The following URI1 variants were observed in gnomAD, a reference collection of about 807,000 sequenced individuals.
URI1 encodes URI1 prefoldin like chaperone.
Under a neutral mutation model 60.2 loss-of-function variants are expected in URI1, and 39 were observed. The observed-to-expected ratio is 0.65, with a 90% CI of 0.50 to 0.85. The LOEUF (loss-of-function observed/expected upper bound fraction) is 0.85, where lower values mean the gene tolerates loss of function less well. Ranked by LOEUF, URI1 falls within the 40% of genes least tolerant of loss-of-function variation. The pLI, the probability that URI1 is intolerant of heterozygous loss-of-function variation, is 0.00. For synonymous variants in URI1, 251 were observed against 236.8 expected, an observed-to-expected ratio of 1.06 and a Z score of -0.55; for missense variants, 691 against 665.9, an observed-to-expected ratio of 1.04 and a Z score of -0.42.
chr19:29,936,799 C>A (rs1022811161), intron 1 of URI1, among the ~76,000 whole-genome samples: 1 of 152,150 alleles, frequency 6.6e-6, no homozygotes, highest in Non-Finnish European at 1.5e-5. Context: ...ATTGCCCAGG[C>A]TGGAGTGCAG....
At chr19:29,978,363 G>C (rs1232736469) in intron 2 of URI1, among the ~76,000 whole-genome samples, 1 of 152,162 alleles carries the variant, frequency 6.6e-6, no homozygotes, top group African/African-American at 2.4e-5. Context: ...CCCATGACCA[G>C]CTCAAGTCCA....
At chr19:29,929,500 G>A (rs528332656) in intron 1 of URI1, among the ~76,000 whole-genome samples, 1 of 152,224 alleles carries the variant, frequency 6.6e-6, no homozygotes, top group South Asian at 2.1e-4. Flanking sequence ...GGGAGGCTGA[G>A]GCAGGAGAAT....
chr19:29,971,359 T>A (rs982925800), intron 2 of URI1, 132 bp downstream of exon 2: 3 of 814,956 alleles, frequency 3.7e-6, no homozygotes, highest in Non-Finnish European at 6.0e-6. Flanking sequence ...GTAGTCTCCA[T>A]TTTGAATGCC....
chr19:29,984,541 T>C (rs906872017), intron 2 of URI1, among the ~76,000 whole-genome samples: 1 of 152,198 alleles, frequency 6.6e-6, no homozygotes, highest in Non-Finnish European at 1.5e-5. Context: ...CAGATAGTCT[T>C]GTATCTTAAA....
Position 29,942,363 on chromosome 19 carries a change from G to C in URI1, c.-185G>C. The stretch of plus-strand genomic sequence containing the variant: ...GGGCGGCGGCGGCGGGGACATGCAC[G>C]TGTGAGATGCGGCAGCGGGCGGCGC... On this transcript the variant is annotated 5_prime_UTR_variant, in exon 1 of 11. Coordinates refer to ENST00000392271, the MANE Select transcript of URI1 (RefSeq NM_003796.3). The C allele has an allele frequency of 2.0e-6, 2 of 984,792 alleles. No individual in the cohort carries two copies. The highest frequency in any genetic ancestry group is 2.4e-6 in the Non-Finnish European group (2 of 829,736). 61.0% of individuals were successfully genotyped at this position (984,792 alleles called of 1,614,324 possible). A position where few individuals can be genotyped will look rare whatever the true frequency, so the allele number is the denominator to read the frequency against.
intron 1 of URI1, chr19:29,956,337 C>A: frequency 4.3e-6 from 3 of 704,702 alleles, no homozygotes; most frequent in Non-Finnish European, 4.3e-6. Flanking sequence ...TCTTTTATTG[C>A]ATCATTGAAA....
intron 4 of URI1, among the ~76,000 whole-genome samples, chr19:29,996,724 G>C (rs910375812): frequency 3.9e-5 from 6 of 151,960 alleles, no homozygotes; most frequent in African/African-American, 7.3e-5. Context: ...CATAGAGTGT[G>C]ATGTCAGTGT....
At chr19:29,995,008 C>G (rs1007214585) in intron 4 of URI1, among the ~76,000 whole-genome samples, 11 of 152,092 alleles carry the variant, frequency 7.2e-5, no homozygotes, top group Non-Finnish European at 1.5e-4. Flanking sequence ...TCTTGAACTC[C>G]TGACCTCAGG....
intron 1 of URI1, among the ~76,000 whole-genome samples, chr19:29,968,565 CTTTTTTTTTT>C (rs35475321): frequency 2.7e-5 from 2 of 74,428 alleles, no homozygotes; most frequent in Admixed American, 2.0e-4. Context: ...CTAATTTTTT[CTTTTTTTTTT>C]TTTTTTTTTT....
chr19:29,969,927 A>G (rs1318478016), intron 1 of URI1, among the ~76,000 whole-genome samples: 7 of 152,206 alleles, frequency 4.6e-5, no homozygotes. Flanking sequence ...TGTGATTGAT[A>G]CTTACTGAGA....
At chr19:30,007,749 G>A (rs2055963424) in intron 7 of URI1, 111 bp downstream of exon 7, 6 of 896,414 alleles carry the variant, frequency 6.7e-6, no homozygotes, top group Non-Finnish European at 9.7e-6. Flanking sequence ...AAAATGCAGG[G>A]AAGCATAATA....
chr19:29,981,199 T>C (rs1399546490), intron 2 of URI1, among the ~76,000 whole-genome samples: 2 of 152,118 alleles, frequency 1.3e-5, no homozygotes, highest in African/African-American at 2.4e-5. Flanking sequence ...TATTCTATTA[T>C]GACAAATTTC....
chr19:30,005,920 AGTG>A, intron 6 of URI1, among the ~76,000 whole-genome samples: 1 of 152,106 alleles, frequency 6.6e-6, no homozygotes. Flanking sequence ...GGTCTGTTTT[AGTG>A]GTGGGATTAC....
chr19:29,950,689 C>A (rs1382727633), intron 1 of URI1, among the ~76,000 whole-genome samples: 2 of 152,072 alleles, frequency 1.3e-5, no homozygotes, highest in Non-Finnish European at 2.9e-5. Context: ...TCTTTTTTTA[C>A]ACTCAAGAAA....
intron 1 of URI1, among the ~76,000 whole-genome samples, chr19:29,936,926 T>A (rs911617619): frequency 6.6e-6 from 1 of 152,126 alleles, no homozygotes; most frequent in African/African-American, 2.4e-5. Context: ...CTAATTTTTG[T>A]ATTTTAGTAG....
intron 1 of URI1, among the ~76,000 whole-genome samples, chr19:29,931,844 T>C (rs1030133587): frequency 3.3e-5 from 5 of 152,148 alleles, no homozygotes; most frequent in Non-Finnish European, 1.5e-5. Flanking sequence ...TCCTACTATA[T>C]AGAAACTGAT....
chr19:29,941,139 C>G (rs1357697788), upstream of URI1, among the ~76,000 whole-genome samples: 1 of 152,206 alleles, frequency 6.6e-6, no homozygotes, highest in Non-Finnish European at 1.5e-5. Context: ...AGCAGGCACA[C>G]CAGGCTGTGA....
At chr19:29,995,780 T>TTA (rs2055805130) in intron 4 of URI1, among the ~76,000 whole-genome samples, 1 of 152,088 alleles carries the variant, frequency 6.6e-6, no homozygotes, top group African/African-American at 2.4e-5. Context: ...TGTATCCATT[T>TTA]TATATATGCT....
At chr19:29,939,509 A>G (rs2145212940), upstream of URI1, among the ~76,000 whole-genome samples, 1 of 141,698 alleles carries the variant, frequency 7.1e-6, no homozygotes, top group South Asian at 2.3e-4. Flanking sequence ...CCTGACCTCA[A>G]ATGATCCGCC....
Sources: gnomAD v4.1 joint callset for allele counts (sites outside exome capture counted in the v4.1 genomes callset) on GRCh38, gnomAD v4.1.1 for gene constraint, MANE v1.5 for transcripts, NCBI Gene and HGNC (gene_info 2026-07-23, HGNC 2026-07-21) for gene names.